CEP162: variants seen among roughly 807,000 people sequenced by gnomAD.
The protein encoded by CEP162 is centrosomal protein of 162 kDa.
A neutral mutation model predicts 169.2 loss-of-function variants in CEP162; 141 were observed. The observed-to-expected ratio is 0.83, with a 90% CI of 0.73 to 0.96. The LOEUF is 0.96. Among genes scored for constraint, CEP162 ranks in the 40% least tolerant of loss-of-function variants. The pLI, the probability that CEP162 is intolerant of heterozygous loss-of-function variation, is 0.00. For synonymous variants in CEP162, 540 were observed against 526.4 expected (o/e 1.03, Z -0.35); for missense variants, 1,600 against 1,587.2 (o/e 1.01, Z -0.14).
At position 84,171,633 on chromosome 6, in the gene CEP162, CTT is replaced by C; in HGVS notation, c.2250_2251del (p.Ser751PhefsTer4). 4 of 1,527,728 alleles carry C rather than the reference CTT, an allele frequency of 2.6e-6. No individual in the cohort carries two copies. Among genetic ancestry groups the C allele is most frequent in the Non-Finnish European group, 3.5e-6 (4 of 1,136,984 alleles). The allele number at this position is 1,527,728 out of a possible 1,614,324, so 94.6% of individuals were successfully genotyped here. A position where few individuals can be genotyped will look rare whatever the true frequency, so the allele number is the denominator to read the frequency against. ...TAAGGAAGCTACCTCACTGAATAAA[CTT>C]TGGTTTTCCTTAAACATTCGCTCCT... On this transcript the variant is annotated frameshift_variant, in exon 17 of 27. Transcript: ENST00000403245. LOFTEE classifies it high-confidence loss of function.
At chr6:84,219,081 C>A in intron 3 of CEP162, 2 of 813,800 alleles carry the variant, frequency 2.5e-6, no homozygotes, top group South Asian at 1.7e-5. Context: ...AAAAGCCGCT[C>A]ACTGTTAATG....
intron 8 of CEP162, 110 bp from the exon 9 acceptor site, chr6:84,201,015 A>C: frequency 2.1e-5 from 12 of 561,644 alleles, no homozygotes; most frequent in Non-Finnish European, 3.4e-5. Context: ...GCGGTGGCTC[A>C]CGCCTGTAAT....
intron 25 of CEP162, among the ~76,000 whole-genome samples, chr6:84,136,976 C>T (rs1474674811): frequency 2.0e-5 from 3 of 152,188 alleles, no homozygotes; most frequent in Non-Finnish European, 4.4e-5. Flanking sequence ...TTGGGCTCTC[C>T]TGACCATGCT....
chr6:84,140,049 G>C (rs1453449255), intron 25 of CEP162, among the ~76,000 whole-genome samples: 4 of 148,914 alleles, frequency 2.7e-5, no homozygotes, highest in Admixed American at 2.0e-4. Context: ...TATGTCCTGA[G>C]AGCTTGGCTT....
intron 10 of CEP162, among the ~76,000 whole-genome samples, chr6:84,194,312 G>A (rs1030275493): frequency 4.1e-5 from 6 of 148,148 alleles, no homozygotes; most frequent in African/African-American, 1.5e-4. Flanking sequence ...CCGAGATCGT[G>A]CCATTGCACT....
chr6:84,151,111 G>T (rs2129201263), intron 23 of CEP162, among the ~76,000 whole-genome samples: 1 of 152,250 alleles, frequency 6.6e-6, no homozygotes, highest in East Asian at 1.9e-4. Flanking sequence ...AAATGTGACA[G>T]ATTAGGTAAG....
In CEP162 at chr6:84,185,262, T is replaced by C. The variant is rs1461942824; in HGVS notation, c.1588A>G (p.Lys530Glu). The C allele has an allele frequency of 1.2e-6, 2 of 1,613,462 alleles. No individual in the cohort carries two copies. Among genetic ancestry groups the C allele is most frequent in the Admixed American group, 1.7e-5 (1 of 59,994 alleles). ...SPLKMFSTLE[K>E]KTSEDIIKSK... ...TTTATAATGTCCTCTGAAGTTTTCT[T>C]TTCAAGAGTAGAAAACATCTTGAGT... The change falls in exon 13 of 27, where the codon AAG (lysine) becomes GAG (glutamate). Residue 530 changes from lysine to glutamate, a missense_variant. Physicochemically the swap from Lys to Glu is moderately conservative, Grantham distance 56. Transcript: ENST00000403245.
At chr6:84,134,437 C>G (rs189874613) in intron 25 of CEP162, among the ~76,000 whole-genome samples, 1 of 152,178 alleles carries the variant, frequency 6.6e-6, no homozygotes, top group Non-Finnish European at 1.5e-5. Context: ...CCCAAACGGC[C>G]GCCCAGTTTT....
At chr6:84,170,813 G>A (rs1229105372) in intron 17 of CEP162, among the ~76,000 whole-genome samples, 4 of 152,162 alleles carry the variant, frequency 2.6e-5, no homozygotes, top group South Asian at 2.1e-4. Context: ...AAGCAGTAAC[G>A]TCCAAAAGAC....
chr6:84,177,181 G>A (rs143996642), intron 13 of CEP162, among the ~76,000 whole-genome samples: 12 of 152,126 alleles, frequency 7.9e-5, no homozygotes, highest in South Asian at 6.2e-4. Flanking sequence ...TCTCACCTCC[G>A]CCCATCCTCC....
intron 22 of CEP162, among the ~76,000 whole-genome samples, chr6:84,154,263 A>T (rs1302228311): frequency 1.3e-5 from 2 of 152,144 alleles, no homozygotes; most frequent in Non-Finnish European, 2.9e-5. Flanking sequence ...AACACTAATA[A>T]TAATTATAAT....
rs148656585 is a variant in CEP162, at chr6:84,186,565, T to A, written c.1168A>T (p.Met390Leu). 3.1e-6 allele frequency: 5 copies of A among 1,612,238 alleles called. No individual in the cohort carries two copies. Among genetic ancestry groups the A allele is most frequent in the Admixed American group, 1.7e-5 (1 of 59,928 alleles). Residue 390 changes from methionine (M) to leucine (L), a missense_variant, in exon 12 of 27, where the codon ATG (methionine) becomes TTG (leucine). By Grantham distance (15) the Met-to-Leu change is conservative. Coordinates refer to ENST00000403245, the MANE Select transcript of CEP162 (RefSeq NM_014895.4). Reference sequence around the variant, plus strand: ...TCTTGAGACAAAATATTTGGGTTCATCTTCAGGGGTAAAGAGCTAAAAAAT... The same window carrying A: ...TCTTGAGACAAAATATTTGGGTTCAACTTCAGGGGTAAAGAGCTAAAAAAT... ...TEFFSSLPLK[M>L]NPNILSQDSQ... is the part of the protein sequence containing the mutation.
At chr6:84,136,924 G>A (rs529403494) in intron 25 of CEP162, among the ~76,000 whole-genome samples, 127 of 152,270 alleles carry the variant, frequency 8.3e-4, no homozygotes, top group African/African-American at 2.7e-3. Context: ...CCTAGGCTTG[G>A]GGGACTTTGT....
intron 18 of CEP162, among the ~76,000 whole-genome samples, chr6:84,164,209 G>C (rs1473994667): frequency 6.6e-6 from 1 of 152,162 alleles, no homozygotes; most frequent in African/African-American, 2.4e-5. Context: ...ACAGATGCTG[G>C]CAAGGATGCG....
At chr6:84,189,854 G>A (rs1446002341) in intron 11 of CEP162, among the ~76,000 whole-genome samples, 1 of 152,256 alleles carries the variant, frequency 6.6e-6, no homozygotes, top group Non-Finnish European at 1.5e-5. Flanking sequence ...GGGATGTGGA[G>A]AGTCTTTATA....
rs71736099 is a variant in CEP162 at position 84,156,743 on chromosome 6, G to GACACACACACACACACAC, written c.2782-1251_2782-1234dup. Among the ~76,000 whole-genome samples, 460 of 125,634 alleles carry GACACACACACACACACAC rather than the reference G, an allele frequency of 3.7e-3. 3 individuals carry two copies. Among genetic ancestry groups the GACACACACACACACACAC allele is most frequent in the African/African-American group, 0.016 (404 of 25,174 alleles). 82.4% of individuals were successfully genotyped at this position (125,634 alleles called of 152,430 possible). On this transcript the variant is annotated intron_variant, in intron 21 of 26. Transcript: ENST00000403245. The stretch of plus-strand genomic sequence containing the variant: ...AAAGGAAAATAAATCGTATCAAAAA[G>GACACACACACACACACAC]ACACACACACACACACACACACACA...
intron 21 of CEP162, among the ~76,000 whole-genome samples, chr6:84,159,364 T>G (rs1358541923): frequency 2.0e-5 from 3 of 150,328 alleles, no homozygotes; most frequent in Admixed American, 6.7e-5. Flanking sequence ...TAAAATAAGT[T>G]ATCTAATAAA....
intron 5 of CEP162, among the ~76,000 whole-genome samples, chr6:84,213,461 A>C (rs2099550325): frequency 6.6e-6 from 1 of 152,216 alleles, no homozygotes; most frequent in Non-Finnish European, 1.5e-5. Context: ...CTGAAACAGA[A>C]GCTGAATAGG....
intron 21 of CEP162, among the ~76,000 whole-genome samples, chr6:84,157,267 C>T (rs2099523587): frequency 6.6e-6 from 1 of 152,108 alleles, no homozygotes; most frequent in Non-Finnish European, 1.5e-5. Flanking sequence ...CACAGAAGCA[C>T]AAATTAATTT....
Sources: gnomAD v4.1 joint callset for allele counts (sites outside exome capture counted in the v4.1 genomes callset) on GRCh38, gnomAD v4.1.1 for gene constraint, MANE v1.5 for transcripts, NCBI Gene and HGNC (gene_info 2026-07-23, HGNC 2026-07-21) for gene names.